Variants in GABRA3 observed in about 807,000 individuals in gnomAD.
The protein encoded by GABRA3 is gamma-aminobutyric acid type A receptor subunit alpha3.
A neutral mutation model predicts 30.1 loss-of-function variants in GABRA3; 10 were observed. That is an observed-to-expected ratio of 0.33 (90% CI 0.20 to 0.56). GABRA3 has a LOEUF of 0.56. GABRA3 is among the 20% of genes least tolerant of loss of function. The probability of loss-of-function intolerance (pLI) is 0.89; values close to 1 mark genes in which losing one functional copy is unlikely to be tolerated. For synonymous variants in GABRA3, 151 were observed against 146.8 expected (o/e 1.03, Z -0.21); for missense variants, 233 against 392.0 (o/e 0.59, Z 3.42).
At chrX:152,399,171 C>T (rs1378916069) in intron 1 of GABRA3, among the ~76,000 whole-genome samples, 1 of 111,392 alleles carries the variant, frequency 9.0e-6, no homozygotes, top group Non-Finnish European at 1.9e-5. Flanking sequence ...CCATCACAGC[C>T]ACTCAGGCTA....
chrX:152,325,392 G>A (rs1462326206), intron 3 of GABRA3, among the ~76,000 whole-genome samples: 1 of 111,493 alleles, frequency 9.0e-6, no homozygotes, highest in East Asian at 2.8e-4. Flanking sequence ...CGGACAGACT[G>A]CCTCCTCAAG....
chrX:152,328,941 T>C (rs1307030207), intron 3 of GABRA3, among the ~76,000 whole-genome samples: 1 of 111,672 alleles, frequency 9.0e-6, no homozygotes. Flanking sequence ...GATTGTATAT[T>C]TAGAAAACCC....
chrX:152,368,974 G>C (rs1928748841), intron 1 of GABRA3, among the ~76,000 whole-genome samples: 1 of 110,930 alleles, frequency 9.0e-6, no homozygotes, highest in Non-Finnish European at 1.9e-5. Flanking sequence ...CAAAGTGCTG[G>C]GATTACAGGC....
intron 1 of GABRA3, among the ~76,000 whole-genome samples, chrX:152,438,927 G>A (rs755345739): frequency 9.1e-6 from 1 of 110,310 alleles, no homozygotes; most frequent in African/African-American, 3.3e-5. Flanking sequence ...AAAATTCATA[G>A]AACTGTAGAA....
chrX:152,312,851 A>C (rs1354487441), intron 3 of GABRA3, among the ~76,000 whole-genome samples: 2 of 112,186 alleles, frequency 1.8e-5, no homozygotes, highest in African/African-American at 6.5e-5. Flanking sequence ...CAAAGAAAAC[A>C]TACATGCAAC....
intron 6 of GABRA3, among the ~76,000 whole-genome samples, chrX:152,220,432 A>G (rs1937809958): frequency 9.0e-6 from 1 of 111,610 alleles, no homozygotes; most frequent in African/African-American, 3.3e-5. Context: ...TTGCGTGACT[A>G]TGCTACAGCT....
intron 5 of GABRA3, among the ~76,000 whole-genome samples, chrX:152,237,699 G>A: frequency 9.5e-6 from 1 of 105,093 alleles, no homozygotes; most frequent in East Asian, 3.1e-4. Flanking sequence ...CCTTGAAGAG[G>A]TCCTTCACAT....
intron 5 of GABRA3, among the ~76,000 whole-genome samples, chrX:152,225,916 A>G (rs939679970): frequency 2.7e-5 from 3 of 110,351 alleles, no homozygotes; most frequent in Non-Finnish European, 3.8e-5. Flanking sequence ...CATTCCCCCA[A>G]TGGCTTCTTC....
chrX:152,294,642 G>T (rs930624097), intron 3 of GABRA3, among the ~76,000 whole-genome samples: 9 of 111,409 alleles, frequency 8.1e-5, no homozygotes, highest in Non-Finnish European at 1.5e-4. Context: ...ACTCGTCAAA[G>T]TCATTCTCCA....
chrX:152,295,956 T>C (rs772631625), intron 3 of GABRA3, among the ~76,000 whole-genome samples: 3 of 112,138 alleles, frequency 2.7e-5, no homozygotes, highest in African/African-American at 6.5e-5. Flanking sequence ...TGGTGAGAGT[T>C]TGTCACAGTT....
At chrX:152,170,253 T>C (rs756436950) in intron 9 of GABRA3, among the ~76,000 whole-genome samples, 53 of 112,466 alleles carry the variant, frequency 4.7e-4, no homozygotes, top group Admixed American at 2.1e-3. Flanking sequence ...GGCAATGAAG[T>C]TTATGCTCTG....
intron 5 of GABRA3, among the ~76,000 whole-genome samples, chrX:152,251,678 T>C (rs1434761062): frequency 2.7e-5 from 3 of 110,663 alleles, no homozygotes; most frequent in Non-Finnish European, 3.8e-5. Flanking sequence ...TCTGTTTACA[T>C]ATACTCCACT....
chrX:152,227,612 A>T lies in GABRA3; in HGVS notation c.552-2767T>A, dbSNP rs1231539462. ...AAATGGGTTACATTTTTTTTTTTAA[A>T]AAAAAAAGAACATTCCCATCAGTAA... On this transcript the variant is annotated intron_variant, in intron 5 of 9. Coordinates refer to ENST00000370314, the MANE Select transcript of GABRA3 (RefSeq NM_000808.4). Among the ~76,000 whole-genome samples, 869 of 103,909 alleles carry T rather than the reference A, an allele frequency of 8.4e-3. 7 individuals are homozygous for T. The highest frequency in any genetic ancestry group is 0.029 in the African/African-American group (786 of 27,532). The allele number at this position is 103,909 out of a possible 115,157, so 90.2% of individuals were successfully genotyped here. A position where few individuals can be genotyped will look rare whatever the true frequency, so the allele number is the denominator to read the frequency against.
At chrX:152,174,138 G>T (rs1471122610) in intron 9 of GABRA3, among the ~76,000 whole-genome samples, 1 of 111,149 alleles carries the variant, frequency 9.0e-6, no homozygotes, top group Non-Finnish European at 1.9e-5. Context: ...TTTTATGGCT[G>T]CATAGTATTC....
chrX:152,425,091 T>C (rs1269311675), intron 1 of GABRA3, among the ~76,000 whole-genome samples: 2 of 106,591 alleles, frequency 1.9e-5, no homozygotes, highest in African/African-American at 6.9e-5. Context: ...ATATGCTCCA[T>C]CATGCTCAGC....
At chrX:152,378,790 T>G (rs1260727529) in intron 1 of GABRA3, among the ~76,000 whole-genome samples, 3 of 110,358 alleles carry the variant, frequency 2.7e-5, no homozygotes, top group African/African-American at 9.9e-5. Flanking sequence ...ATCTAACACA[T>G]AAGAAAACAG....
chrX:152,192,949 T>C (rs932389750), intron 8 of GABRA3, among the ~76,000 whole-genome samples: 3 of 112,133 alleles, frequency 2.7e-5, no homozygotes, highest in Non-Finnish European at 5.6e-5. Flanking sequence ...GAAACCTGAC[T>C]CTCCTCTTGA....
intron 3 of GABRA3, among the ~76,000 whole-genome samples, chrX:152,320,077 G>A (rs1338995563): frequency 2.7e-5 from 3 of 111,042 alleles, no homozygotes; most frequent in Admixed American, 9.6e-5. Context: ...AAAAAAAGAC[G>A]TTGGCATAGA....
At chrX:152,418,147 A>T (rs1446738673) in intron 1 of GABRA3, among the ~76,000 whole-genome samples, 4 of 111,741 alleles carry the variant, frequency 3.6e-5, no homozygotes, top group African/African-American at 6.5e-5. Flanking sequence ...AGATACCAGT[A>T]AAGATACATA....
Sources: gnomAD v4.1 joint callset for allele counts (sites outside exome capture counted in the v4.1 genomes callset) on GRCh38, gnomAD v4.1.1 for gene constraint, MANE v1.5 for transcripts, NCBI Gene and HGNC (gene_info 2026-07-23, HGNC 2026-07-21) for gene names.